Variants in SGPP1 observed in about 807,000 individuals in gnomAD.
SGPP1 encodes sphingosine-1-phosphate phosphatase 1.
A neutral mutation model predicts 33.0 loss-of-function variants in SGPP1; 21 were observed. The observed-to-expected ratio is 0.64, with a 90% confidence interval of 0.45 to 0.92. SGPP1 has a LOEUF of 0.92. Ranked by LOEUF, SGPP1 falls within the 40% of genes least tolerant of loss-of-function variation. The probability of loss-of-function intolerance (pLI) is 0.00; values close to 1 mark genes in which losing one functional copy is unlikely to be tolerated. For synonymous variants in SGPP1, 239 were observed against 241.2 expected, an observed-to-expected ratio of 0.99 and a Z score of 0.08; for missense variants, 543 against 589.4, an observed-to-expected ratio of 0.92 and a Z score of 0.81.
At chr14:63,712,982 G>A (rs931364109) in intron 1 of SGPP1, among the ~76,000 whole-genome samples, 1 of 151,132 alleles carries the variant, frequency 6.6e-6, no homozygotes, top group Non-Finnish European at 1.5e-5. Flanking sequence ...GAGCTCCTGG[G>A]CTCAAGCAAT....
Position 63,720,104 on chromosome 14 carries a change from G to A in SGPP1, c.684+7157C>T, listed in dbSNP as rs531269067. Among the ~76,000 whole-genome samples, 227 of 142,538 alleles carry A rather than the reference G, an allele frequency of 1.6e-3. 1 individual carries two copies. Among genetic ancestry groups the A allele is most frequent in the African/African-American group, 5.8e-3 (219 of 37,840 alleles). The allele number at this position is 142,538 out of a possible 152,430, so 93.5% of individuals were successfully genotyped here. A position where few individuals can be genotyped will look rare whatever the true frequency, so the allele number is the denominator to read the frequency against. Reference sequence around the variant, plus strand: ...TGGCACCACTGCACTCCAGCCGGGCGACAGAGGGAGCCTGCATCTCACAAA... The same window carrying A: ...TGGCACCACTGCACTCCAGCCGGGCAACAGAGGGAGCCTGCATCTCACAAA... On this transcript the variant is annotated intron_variant, in intron 1 of 2. Transcript: ENST00000247225.
intron 1 of SGPP1, among the ~76,000 whole-genome samples, chr14:63,708,098 C>T (rs1251506107): frequency 6.6e-6 from 1 of 152,080 alleles, no homozygotes; most frequent in Non-Finnish European, 1.5e-5. Flanking sequence ...ACTATCTCTT[C>T]CCCCATTCCT....
rs545393475 is a variant in SGPP1 at position 63,696,820 on chromosome 14, T to C, written c.774+1749A>G. 1.7e-4 allele frequency among the ~76,000 whole-genome samples: 26 copies of C among 152,252 alleles called. No homozygotes were observed. In the South Asian group the frequency reaches 5.4e-3, roughly 32 times the overall value. ...GGCCAACATGGTGAAACCCTGTCTC[T>C]ACTAAAAATACAAAAATTAGCCGGG... On this transcript the variant is annotated intron_variant, in intron 2 of 2. Coordinates refer to ENST00000247225, the MANE Select transcript of SGPP1 (RefSeq NM_030791.4).
chr14:63,720,081 G>A (rs2139654421), intron 1 of SGPP1, among the ~76,000 whole-genome samples: 1 of 148,240 alleles, frequency 6.7e-6, no homozygotes, highest in East Asian at 2.0e-4. Context: ...AGCAAAGATG[G>A]CACCACTGCA....
At chr14:63,704,855 G>T (rs1885372481) in intron 1 of SGPP1, among the ~76,000 whole-genome samples, 1 of 152,176 alleles carries the variant, frequency 6.6e-6, no homozygotes, top group Non-Finnish European at 1.5e-5. Flanking sequence ...GCCGGGTGTG[G>T]CGGCTCAGGC....
chr14:63,711,919 A>T (rs1885530677), intron 1 of SGPP1, among the ~76,000 whole-genome samples: 1 of 151,898 alleles, frequency 6.6e-6, no homozygotes, highest in Non-Finnish European at 1.5e-5. Context: ...AATCCCAGCT[A>T]CTGGGGAGGC....
chr14:63,707,065 A>T (rs575202893), intron 1 of SGPP1, among the ~76,000 whole-genome samples: 10 of 148,600 alleles, frequency 6.7e-5, no homozygotes, highest in Admixed American at 6.0e-4. Flanking sequence ...AAAAAAACTG[A>T]CCCATATATA....
At chr14:63,709,214 G>T (rs539273055) in intron 1 of SGPP1, among the ~76,000 whole-genome samples, 1 of 151,706 alleles carries the variant, frequency 6.6e-6, no homozygotes, top group African/African-American at 2.4e-5. Context: ...GTCTCTACTA[G>T]AAACACAAAA....
chr14:63,714,211 T>C (rs996036125), intron 1 of SGPP1, among the ~76,000 whole-genome samples: 8 of 152,172 alleles, frequency 5.3e-5, no homozygotes, highest in Non-Finnish European at 8.8e-5. Context: ...TACATCTGCA[T>C]TTGTGAAAGA....
chr14:63,724,881 T>TA (rs60279403), intron 1 of SGPP1, among the ~76,000 whole-genome samples: 4,474 of 123,808 alleles, frequency 0.036, 77 homozygotes, highest in African/African-American at 0.052. Flanking sequence ...GACTCCGTCT[T>TA]AAAAAAAAAA....
intron 1 of SGPP1, among the ~76,000 whole-genome samples, chr14:63,716,151 C>A (rs559378100): frequency 1.3e-5 from 2 of 152,156 alleles, no homozygotes; most frequent in East Asian, 3.9e-4. Context: ...TAGAAACACA[C>A]AAAGATGACA....
chr14:63,718,977 CATATATATATATATAT>C (rs1221455081), intron 1 of SGPP1, among the ~76,000 whole-genome samples: 1,380 of 26,974 alleles, frequency 0.051, 62 homozygotes, highest in African/African-American at 0.067. Flanking sequence ...TATGTATATA[CATATATATATATATAT>C]ATATATATAT....
intron 2 of SGPP1, among the ~76,000 whole-genome samples, chr14:63,691,140 T>C (rs1020287743): frequency 7.2e-5 from 11 of 152,368 alleles, no homozygotes; most frequent in Admixed American, 5.9e-4. Context: ...TTTAAATAAG[T>C]GATTCCTTTT....
chr14:63,693,417 A>G lies in SGPP1; in HGVS notation c.774+5152T>C, dbSNP rs145355181. 7.5e-3 allele frequency among the ~76,000 whole-genome samples: 1,146 copies of G among 152,318 alleles called. 13 individuals carry two copies. The highest frequency in any genetic ancestry group is 0.026 in the African/African-American group (1,097 of 41,568). On this transcript the variant is annotated intron_variant, in intron 2 of 2. Coordinates refer to ENST00000247225, the MANE Select transcript of SGPP1 (RefSeq NM_030791.4). ...TGCTTTACTTTTTATCTTAAATTTC[A>G]TGAGTGATTTAGAATTTCATGTTAT...
In SGPP1 at chr14:63,698,681, T is replaced by C. The variant is rs377010344; in HGVS notation, c.685-23A>G. ...GTACTAAAGGGGAAAAAAAGTAAAA[T>C]TAGTTAAACAAATTTAAGTTAGATA... is the stretch of plus-strand genomic sequence containing the variant. On this transcript the variant is annotated intron_variant, in intron 1 of 2. Coordinates refer to ENST00000247225, the MANE Select transcript of SGPP1 (RefSeq NM_030791.4). 36 of 1,331,426 alleles carry C rather than the reference T, an allele frequency of 2.7e-5. No individual in the cohort carries two copies. The African/African-American group carries it at 4.9e-4, about 18-fold the overall frequency. The allele number at this position is 1,331,426 out of a possible 1,614,324, so 82.5% of individuals were successfully genotyped here.
chr14:63,712,212 G>C (rs1426182378), intron 1 of SGPP1, among the ~76,000 whole-genome samples: 1 of 151,736 alleles, frequency 6.6e-6, no homozygotes, highest in East Asian at 1.9e-4. Flanking sequence ...TATTTTCTAA[G>C]TCTTCTATAA....
intron 1 of SGPP1, among the ~76,000 whole-genome samples, chr14:63,714,364 C>T (rs1885579011): frequency 6.6e-6 from 1 of 152,168 alleles, no homozygotes; most frequent in Non-Finnish European, 1.5e-5. Context: ...GGAGTGCACA[C>T]AATTACCAGC....
At position 63,719,109 on chromosome 14, in the gene SGPP1, C is replaced by T. The variant is rs183855197; in HGVS notation, c.684+8152G>A. On this transcript the variant is annotated intron_variant, in intron 1 of 2. Transcript: ENST00000247225. ...GTGGCATGATCTTGGCTCACTGCAA[C>T]GTATGCCTCCCAGGTTCAAGCGATT... Among the ~76,000 whole-genome samples the T allele has an allele frequency of 5.7e-4, 76 of 133,736 alleles. 1 individual carries two copies. The East Asian group carries it at 0.017, about 29-fold the overall frequency. 87.7% of individuals were successfully genotyped at this position (133,736 alleles called of 152,430 possible).
chr14:63,699,465 T>G (rs1034916789), intron 1 of SGPP1, among the ~76,000 whole-genome samples: 1 of 152,180 alleles, frequency 6.6e-6, no homozygotes, highest in Admixed American at 6.5e-5. Flanking sequence ...CCAATGTGGT[T>G]AGGGAAGTTG....
Sources: gnomAD v4.1 joint callset for allele counts (sites outside exome capture counted in the v4.1 genomes callset) on GRCh38, gnomAD v4.1.1 for gene constraint, MANE v1.5 for transcripts, NCBI Gene and HGNC (gene_info 2026-07-23, HGNC 2026-07-21) for gene names.